The following CAMSAP1 variants were observed in gnomAD, a reference collection of about 807,000 sequenced individuals.
CAMSAP1 encodes the protein calmodulin regulated spectrin associated protein 1.
A neutral mutation model predicts 143.5 loss-of-function variants in CAMSAP1; 58 were observed. That is an observed-to-expected ratio of 0.40 (90% CI 0.33 to 0.50). CAMSAP1 has a LOEUF of 0.50. CAMSAP1 is among the 20% of genes least tolerant of loss of function. The pLI, the probability that CAMSAP1 is intolerant of heterozygous loss-of-function variation, is 0.45. For synonymous variants in CAMSAP1, 945 were observed against 859.3 expected, an observed-to-expected ratio of 1.10 and a Z score of -1.74; for missense variants, 1,969 against 2,115.7, an observed-to-expected ratio of 0.93 and a Z score of 1.36.
In CAMSAP1 at chr9:135,821,786, C is replaced by A. The variant is rs201640141; in HGVS notation, c.2875G>T (p.Val959Leu). Residue 959 changes from valine (V) to leucine (L), a missense_variant, in exon 11 of 17, where the codon GTG becomes TTG. By Grantham distance (32) the Val-to-Leu change is conservative. Coordinates refer to ENST00000389532, the MANE Select transcript of CAMSAP1 (RefSeq NM_015447.4). This position sits in a 1 kb window ranked among gnomAD's most constrained non-coding sequence, Gnocchi z 4.6. Reference protein sequence around the residue: ...DAVSKTEDFLVKEEQREELLH... With the variant: ...DAVSKTEDFLLKEEQREELLH... ...AGCTCCTCTCTCTGCTCCTCCTTCA[C>A]GAGAAAGTCTTCGGTTTTGGAAACA... 4.8e-5 allele frequency: 77 copies of A among 1,613,974 alleles called. No individual in the cohort carries two copies. Among genetic ancestry groups the A allele is most frequent in the Admixed American group, 6.7e-5 (4 of 60,034 alleles).
intron 7 of CAMSAP1, among the ~76,000 whole-genome samples, chr9:135,845,433 A>C (rs1239575097): frequency 3.3e-5 from 5 of 152,232 alleles, no homozygotes; most frequent in Admixed American, 3.3e-4. Context: ...AAAAGCTGGA[A>C]GTATTCCCTT....
intron 14 of CAMSAP1, 44 bp from the exon 15 acceptor site, chr9:135,816,049 C>G (rs1394673234): frequency 6.4e-7 from 1 of 1,572,256 alleles, no homozygotes; most frequent in East Asian, 2.2e-5. Context: ...GAAGCGCTGG[C>G]TTCCTCTCAC....
At chr9:135,893,271 A>C (rs541686492) in intron 1 of CAMSAP1, among the ~76,000 whole-genome samples, 1 of 147,202 alleles carries the variant, frequency 6.8e-6, no homozygotes, top group South Asian at 2.1e-4. Flanking sequence ...TGAAAGAAAG[A>C]AAAGAAAAAA....
chr9:135,827,637 G>C, intron 7 of CAMSAP1, 53 bp from the exon 8 acceptor site: 1 of 1,435,624 alleles, frequency 7.0e-7, no homozygotes, highest in Non-Finnish European at 9.3e-7. Flanking sequence ...TGGAAGCACA[G>C]AAAACCTAAC....
intron 3 of CAMSAP1, among the ~76,000 whole-genome samples, chr9:135,879,048 TGTGAAC>T (rs1284417229): frequency 1.3e-5 from 2 of 152,154 alleles, no homozygotes; most frequent in Non-Finnish European, 2.9e-5. Flanking sequence ...CAAGTCTGAC[TGTGAAC>T]GTGTCCAAAG....
chr9:135,822,060 G>C lies in CAMSAP1; in HGVS notation c.2601C>G (p.Gly867=), dbSNP rs1835488215. ...ATGCCAGGAGGCTGGCGGGATCCTT[G>C]CCATGCTGGCTCGGACTCTGCTCCC... ...QKREQSPSQH[G]KDPASLLASE... Residue 867 remains glycine (G), a synonymous_variant, in exon 11 of 17, where the codon GGC becomes GGG. Transcript: ENST00000389532. The surrounding 1 kb of genome is among the most constrained non-coding windows in gnomAD (Gnocchi z 6.1). 12 of 1,612,258 alleles carry C rather than the reference G, an allele frequency of 7.4e-6. No individual in the cohort carries two copies. The South Asian group carries it at 1.3e-4, about 18-fold the overall frequency.
At chr9:135,854,479 T>G (rs1836884131) in intron 5 of CAMSAP1, among the ~76,000 whole-genome samples, 1 of 152,154 alleles carries the variant, frequency 6.6e-6, no homozygotes, top group Non-Finnish European at 1.5e-5. Flanking sequence ...AAAACTTTTT[T>G]TTTTTTGAGA....
At chr9:135,828,557 C>T (rs1835754483) in intron 7 of CAMSAP1, among the ~76,000 whole-genome samples, 1 of 152,142 alleles carries the variant, frequency 6.6e-6, no homozygotes, top group Non-Finnish European at 1.5e-5. Flanking sequence ...AAGGTGAGGC[C>T]CTAGATGGGA....
rs1277379089 is a variant in CAMSAP1, at chr9:135,881,613, C to T, written c.585+20G>A. ...GCCACAGAAGCAGAGTCACACACCA[C>T]ATCTAGGCAGGGCACTCACCTTGTT... On this transcript the variant is annotated intron_variant, in intron 3 of 16. Coordinates refer to ENST00000389532, the MANE Select transcript of CAMSAP1 (RefSeq NM_015447.4). 1 of 1,551,400 alleles carries T rather than the reference C, an allele frequency of 6.4e-7. No individual in the cohort carries two copies. The highest frequency in any genetic ancestry group is 1.4e-5 in the African/African-American group (1 of 73,042).
chr9:135,874,462 G>A (rs1157641760), intron 3 of CAMSAP1, among the ~76,000 whole-genome samples: 1 of 94,312 alleles, frequency 1.1e-5, no homozygotes, highest in Non-Finnish European at 1.9e-5. Flanking sequence ...CACAGGGTGA[G>A]ACCCTGTCTC....
intron 7 of CAMSAP1, among the ~76,000 whole-genome samples, chr9:135,829,008 G>A (rs1835768073): frequency 6.6e-6 from 1 of 152,208 alleles, no homozygotes; most frequent in South Asian, 2.1e-4. Context: ...ACAAACAAAA[G>A]TTGAGGGAGT....
intron 4 of CAMSAP1, chr9:135,865,335 C>A: frequency 6.4e-7 from 1 of 1,550,584 alleles, no homozygotes; most frequent in South Asian, 1.2e-5. Flanking sequence ...CACTTACAGG[C>A]ACTAACTTCC....
intron 7 of CAMSAP1, among the ~76,000 whole-genome samples, chr9:135,835,016 G>C (rs912587605): frequency 3.3e-5 from 5 of 152,270 alleles, no homozygotes; most frequent in Non-Finnish European, 5.9e-5. Flanking sequence ...GGTGTAGCCA[G>C]CCAGTTTCAG....
Position 135,907,309 on chromosome 9 carries a change from A to C in CAMSAP1, c.-150T>G. The C allele has an allele frequency of 9.8e-6, 3 of 307,682 alleles. No individual in the cohort carries two copies. Among genetic ancestry groups the C allele is most frequent in the Non-Finnish European group, 1.4e-5 (3 of 213,204 alleles). 19.1% of individuals were successfully genotyped at this position (307,682 alleles called of 1,614,324 possible). On this transcript the variant is annotated 5_prime_UTR_variant, in exon 1 of 17. It removes the in-frame stop codon of an upstream open reading frame in the 5' UTR. Transcript: ENST00000389532. ...CCGAGCGCGGCCCCCGCCTCACCTC[A>C]CAGCCGCCGCCGTCGCCGCCCCCGC...
At chr9:135,813,804 C>A (rs1835135338) in intron 16 of CAMSAP1, among the ~76,000 whole-genome samples, 1 of 152,254 alleles carries the variant, frequency 6.6e-6, no homozygotes, top group Non-Finnish European at 1.5e-5. Flanking sequence ...CTGCTGCACA[C>A]TGGGCAGGGA....
rs372254924 is a variant in CAMSAP1 at position 135,865,413 on chromosome 9, C to A, written c.666+1043G>T. 1.4e-4 allele frequency: 216 copies of A among 1,539,636 alleles called. 2 individuals are homozygous for A. The South Asian group carries it at 2.5e-3, about 18-fold the overall frequency. Reference sequence around the variant, plus strand: ...AGGCAGGAGAGGAGCATCAGCAGAGCAGGTCCACGTGTGGACGAGGTAACA... The same window carrying A: ...AGGCAGGAGAGGAGCATCAGCAGAGAAGGTCCACGTGTGGACGAGGTAACA... On this transcript the variant is annotated intron_variant, in intron 4 of 16. Coordinates refer to ENST00000389532, the MANE Select transcript of CAMSAP1 (RefSeq NM_015447.4).
intron 3 of CAMSAP1, among the ~76,000 whole-genome samples, chr9:135,878,201 TGAGCGGCCTG>T (rs1286446353): frequency 6.6e-6 from 1 of 151,968 alleles, no homozygotes; most frequent in African/African-American, 2.4e-5. Flanking sequence ...AGGAGACGGG[TGAGCGGCCTG>T]GAGCAGAGGT....
At position 135,820,694 on chromosome 9, in the gene CAMSAP1, G is replaced by A; in HGVS notation, c.3822+145C>T. 3.8e-6 allele frequency: 4 copies of A among 1,059,046 alleles called. No homozygotes were observed. Among genetic ancestry groups the A allele is most frequent in the South Asian group, 1.6e-5 (1 of 61,532 alleles). 65.6% of individuals were successfully genotyped at this position (1,059,046 alleles called of 1,614,324 possible). The stretch of plus-strand genomic sequence containing the variant: ...GGAGTCCTCGGGACAGAGACTCTGT[G>A]GCCCACAAAGCTAAACACACACATC... On this transcript the variant is annotated intron_variant, in intron 11 of 16. Transcript: ENST00000389532. This position sits in a 1 kb window ranked among gnomAD's most constrained non-coding sequence, Gnocchi z 4.4.
intron 4 of CAMSAP1, chr9:135,865,137 C>T: frequency 1.7e-6 from 1 of 574,164 alleles, no homozygotes; most frequent in Non-Finnish European, 3.1e-6. Flanking sequence ...CTTAAGAGTT[C>T]CAAAGTGCCA....
Sources: allele counts gnomAD v4.1 joint callset (sites outside exome capture counted in the v4.1 genomes callset), GRCh38; gene constraint gnomAD v4.1.1; non-coding constraint Gnocchi (gnomAD v3.1); transcripts MANE v1.5; gene names NCBI Gene and HGNC (gene_info 2026-07-23, HGNC 2026-07-21).